The following ZNF892 variants were observed in gnomAD, a reference collection of about 807,000 sequenced individuals.
ZNF892 encodes zinc finger protein 892, also known as zinc finger protein 570-like.
chr2:95,242,077 A>C, the ZNF892 span, among the ~76,000 whole-genome samples: 1 of 152,244 alleles, frequency 6.6e-6, no homozygotes, highest in South Asian at 2.1e-4. Flanking sequence ...AACATACTTC[A>C]GGATATCATC....
chr2:95,230,041 A>G, the ZNF892 span, among the ~76,000 whole-genome samples: 1 of 152,168 alleles, frequency 6.6e-6, no homozygotes, highest in South Asian at 2.1e-4. Flanking sequence ...ACCATGGAAT[A>G]AAAGGAATGA....
At chr2:95,260,407 A>G in the ZNF892 span, among the ~76,000 whole-genome samples, 1 of 152,006 alleles carries the variant, frequency 6.6e-6, no homozygotes, top group South Asian at 2.1e-4. Context: ...AATGCCAGCC[A>G]TCCCCCTCAG....
the ZNF892 span, among the ~76,000 whole-genome samples, chr2:95,209,196 G>T: frequency 1.3e-5 from 2 of 152,166 alleles, no homozygotes; most frequent in Admixed American, 6.5e-5. Flanking sequence ...AAACAAGAGA[G>T]AGTGGGTAGT....
At chr2:95,258,156 C>T in the ZNF892 span, among the ~76,000 whole-genome samples, 5 of 152,188 alleles carry the variant, frequency 3.3e-5, no homozygotes, top group Non-Finnish European at 7.3e-5. Context: ...TCTTCTGCGT[C>T]GCTCACGCTG....
chr2:95,246,165 C>T, the ZNF892 span, among the ~76,000 whole-genome samples: 86 of 152,294 alleles, frequency 5.6e-4, no homozygotes, highest in African/African-American at 1.9e-3. Flanking sequence ...AGGTTATCCA[C>T]GACAATCAAG....
At chr2:95,236,179 T>C in the ZNF892 span, among the ~76,000 whole-genome samples, 2 of 152,218 alleles carry the variant, frequency 1.3e-5, no homozygotes, top group Admixed American at 1.3e-4. Context: ...GGCAATATAG[T>C]TAATGTTTTC....
chr2:95,209,467 A>AT, the ZNF892 span, among the ~76,000 whole-genome samples: 3 of 152,160 alleles, frequency 2.0e-5, no homozygotes, highest in Non-Finnish European at 2.9e-5. Flanking sequence ...GAAACATGCC[A>AT]TAGCTGATTG....
the ZNF892 span, among the ~76,000 whole-genome samples, chr2:95,258,884 A>G: frequency 6.6e-6 from 1 of 152,220 alleles, no homozygotes; most frequent in South Asian, 2.1e-4. Context: ...ACAGATTAAC[A>G]GGAGAAAAAC....
At chr2:95,216,042 G>A in the ZNF892 span, among the ~76,000 whole-genome samples, 5,175 of 152,236 alleles carry the variant, frequency 0.034, 142 homozygotes, top group Middle Eastern at 0.095. Flanking sequence ...GAGTGGTGGT[G>A]GAAGGGAAGT....
At chr2:95,250,650 CTATT>C in the ZNF892 span, among the ~76,000 whole-genome samples, 1 of 123,482 alleles carries the variant, frequency 8.1e-6, no homozygotes, top group African/African-American at 2.9e-5. Context: ...TAAATATAAA[CTATT>C]CATAAATTAT....
chr2:95,219,396 A>G, the ZNF892 span, among the ~76,000 whole-genome samples: 1 of 151,940 alleles, frequency 6.6e-6, no homozygotes, highest in South Asian at 2.1e-4. Context: ...GTTTTATTTC[A>G]GTTATTGTAT....
the ZNF892 span, among the ~76,000 whole-genome samples, chr2:95,219,252 C>T: frequency 1.5e-4 from 23 of 152,026 alleles, no homozygotes; most frequent in Admixed American, 9.2e-4. Context: ...ATGATCCGCC[C>T]GCTTCGGCCT....
chr2:95,255,744 T>C, the ZNF892 span, among the ~76,000 whole-genome samples: 4 of 152,362 alleles, frequency 2.6e-5, no homozygotes, highest in East Asian at 7.7e-4. Context: ...AAGGACTTGC[T>C]TTATGAATCC....
chr2:95,237,761 A>G, the ZNF892 span, among the ~76,000 whole-genome samples: 3 of 152,220 alleles, frequency 2.0e-5, no homozygotes. Flanking sequence ...TAAATGTGCT[A>G]CTCTAGTGAA....
At chr2:95,245,454 G>GA in the ZNF892 span, among the ~76,000 whole-genome samples, 629 of 95,028 alleles carry the variant, frequency 6.6e-3, 47 homozygotes, top group African/African-American at 0.025. Flanking sequence ...AGACGGCGGG[G>GA]GGGGGGGGGT....
chr2:95,211,843 G>A, the ZNF892 span: 1 of 396,986 alleles, frequency 2.5e-6, no homozygotes, highest in Non-Finnish European at 4.4e-6. Flanking sequence ...CCTGAGACAG[G>A]CAATTTCTGC....
the ZNF892 span, among the ~76,000 whole-genome samples, chr2:95,251,903 C>T: frequency 1.3e-5 from 2 of 152,112 alleles, no homozygotes; most frequent in African/African-American, 4.8e-5. Flanking sequence ...CAGTGGGTAC[C>T]CAGAACCAAA....
At chr2:95,218,260 T>C in the ZNF892 span, among the ~76,000 whole-genome samples, 1 of 152,248 alleles carries the variant, frequency 6.6e-6, no homozygotes, top group Non-Finnish European at 1.5e-5. Context: ...TCCTTGTTTC[T>C]TAACAGTTCC....
the ZNF892 span, among the ~76,000 whole-genome samples, chr2:95,247,920 G>T: frequency 3.9e-5 from 6 of 152,186 alleles, no homozygotes; most frequent in African/African-American, 1.4e-4. Flanking sequence ...ATTATGGAAA[G>T]CAGTTTGGCG....
Sources: allele counts gnomAD v4.1 joint callset (sites outside exome capture counted in the v4.1 genomes callset), GRCh38; gene constraint gnomAD v4.1.1; transcripts MANE v1.5; gene names NCBI Gene and HGNC (gene_info 2026-07-23, HGNC 2026-07-21).